Variants in HTR3B observed in about 807,000 individuals in gnomAD.
The protein encoded by HTR3B is 5-hydroxytryptamine receptor 3B.
In HTR3B, 44 loss-of-function variants were observed where a neutral mutation model predicts 42.8. That is an observed-to-expected ratio of 1.03 (90% CI 0.81 to 1.32). The LOEUF (loss-of-function observed/expected upper bound fraction) is 1.32, where lower values mean the gene tolerates loss of function less well. HTR3B is among the 40% of genes most tolerant of loss of function. The probability of loss-of-function intolerance (pLI) is 0.00; values close to 1 mark genes in which losing one functional copy is unlikely to be tolerated. For missense variants in HTR3B, 527 were observed against 536.5 expected (o/e 0.98, Z 0.17); for synonymous variants, 203 against 209.0 (o/e 0.97, Z 0.25).
chr11:113,932,635 C>T (rs1363919474), intron 5 of HTR3B, among the ~76,000 whole-genome samples, 177 bp downstream of exon 5: 2 of 105,456 alleles, frequency 1.9e-5, no homozygotes, highest in Middle Eastern at 4.3e-3. Flanking sequence ...GCTGTAGGCC[C>T]CCATAGTTGT....
Position 113,948,724 on chromosome 11 carries a change from G to A in HTR3B, c.*2587G>A, listed in dbSNP as rs746602165. 2.0e-5 allele frequency among the ~76,000 whole-genome samples: 3 copies of A among 152,144 alleles called. No homozygotes were observed. Among genetic ancestry groups the A allele is most frequent in the Non-Finnish European group, 4.4e-5 (3 of 68,020 alleles). On this transcript the variant is annotated 3_prime_UTR_variant, in exon 9 of 9. Transcript: ENST00000260191. The stretch of plus-strand genomic sequence containing the variant: ...ACTAAAAATACAAAATTAGCCAGGC[G>A]TGGTGGCACATGCCTGTAATCCCAC...
At chr11:113,909,252 G>C (rs747370309) in intron 1 of HTR3B, 43 bp from the exon 2 acceptor site, 1 of 1,528,962 alleles carries the variant, frequency 6.5e-7, no homozygotes, top group Non-Finnish European at 9.1e-7. Context: ...AAGAAACCAA[G>C]CTCCTCTTAC....
chr11:113,933,367 C>G (rs1412993342), intron 6 of HTR3B, among the ~76,000 whole-genome samples: 3 of 152,084 alleles, frequency 2.0e-5, no homozygotes, highest in Non-Finnish European at 4.4e-5. Context: ...AGGAATCCTC[C>G]AATCTTTCCA....
At chr11:113,935,051 C>T (rs1950078586) in intron 6 of HTR3B, among the ~76,000 whole-genome samples, 1 of 152,156 alleles carries the variant, frequency 6.6e-6, no homozygotes, top group Non-Finnish European at 1.5e-5. Flanking sequence ...TGCACACACA[C>T]ACACACACAC....
At chr11:113,928,021 C>T (rs746279246) in intron 2 of HTR3B, among the ~76,000 whole-genome samples, 14 of 152,248 alleles carry the variant, frequency 9.2e-5, no homozygotes, top group South Asian at 2.1e-4. Flanking sequence ...TTTTTCCTGA[C>T]GCTCTCCCTC....
intron 2 of HTR3B, among the ~76,000 whole-genome samples, chr11:113,914,420 C>T (rs919412164): frequency 8.6e-5 from 13 of 150,650 alleles, no homozygotes; most frequent in African/African-American, 2.2e-4. Context: ...GCCGAGATCA[C>T]GCCATTGCAC....
upstream of HTR3B, among the ~76,000 whole-genome samples, chr11:113,903,287 G>A (rs950663513): frequency 2.6e-5 from 4 of 152,130 alleles, no homozygotes; most frequent in African/African-American, 9.7e-5. Context: ...AGACTATACC[G>A]GAAGAGCTAT....
intron 2 of HTR3B, among the ~76,000 whole-genome samples, chr11:113,927,665 C>A (rs1234923854): frequency 1.3e-5 from 2 of 151,614 alleles, no homozygotes; most frequent in Non-Finnish European, 2.9e-5. Context: ...TGGGTTCAAG[C>A]GATTCTCCTA....
Position 113,931,798 on chromosome 11 carries a change from T to C in HTR3B, c.299T>C (p.Phe100Ser), listed in dbSNP as rs1950036982. 1.9e-6 allele frequency: 3 copies of C among 1,613,038 alleles called. No individual in the cohort carries two copies. The highest frequency in any genetic ancestry group is 1.3e-5 in the African/African-American group (1 of 75,032). Residue 100 changes from phenylalanine (F) to serine (S), a missense_variant, in exon 4 of 9, where the codon TTT (phenylalanine) becomes TCT (serine). Phe to Ser is a radical substitution (Grantham distance 155, BLOSUM62 -2). Coordinates refer to ENST00000260191, the MANE Select transcript of HTR3B (RefSeq NM_006028.5). ...DEFLSWNSSM[F>S]DEIREISLPL... is the part of the protein sequence containing the mutation. Reference sequence around the variant, plus strand: ...TTTTTATCCTGGAACTCCAGCATGTTTGATGAGATTAGAGAGATCTCCCTA... The same window carrying C: ...TTTTTATCCTGGAACTCCAGCATGTCTGATGAGATTAGAGAGATCTCCCTA...
chr11:113,919,584 T>A (rs531614473), intron 2 of HTR3B, among the ~76,000 whole-genome samples: 26 of 152,190 alleles, frequency 1.7e-4, no homozygotes, highest in African/African-American at 6.0e-4. Context: ...ATCCCAGCAC[T>A]TTGGGAGGCC....
intron 2 of HTR3B, among the ~76,000 whole-genome samples, chr11:113,930,874 A>G (rs921452673): frequency 1.3e-5 from 2 of 152,154 alleles, no homozygotes; most frequent in South Asian, 4.1e-4. Flanking sequence ...CGTCTATTAT[A>G]TCATTTAAAA....
intron 2 of HTR3B, among the ~76,000 whole-genome samples, chr11:113,923,917 C>G (rs911497580): frequency 6.6e-6 from 1 of 152,112 alleles, no homozygotes; most frequent in Non-Finnish European, 1.5e-5. Context: ...GAAAAAAATT[C>G]TTAACATCAT....
intron 6 of HTR3B, among the ~76,000 whole-genome samples, chr11:113,934,629 C>T (rs1177730525): frequency 6.6e-6 from 1 of 152,052 alleles, no homozygotes; most frequent in African/African-American, 2.4e-5. Context: ...CTAGTATAAT[C>T]GCAACTCATA....
intron 1 of HTR3B, among the ~76,000 whole-genome samples, chr11:113,907,321 C>G (rs925669573): frequency 6.6e-6 from 1 of 152,278 alleles, no homozygotes; most frequent in African/African-American, 2.4e-5. Context: ...TCATTTAGTG[C>G]TTGTGTGAAT....
chr11:113,934,751 C>T (rs1237422742), intron 6 of HTR3B, among the ~76,000 whole-genome samples: 1 of 93,762 alleles, frequency 1.1e-5, no homozygotes, highest in Non-Finnish European at 2.0e-5. Context: ...GGAAGGAAAG[C>T]AAGCAAGCTT....
chr11:113,909,965 C>A (rs140593040), intron 2 of HTR3B, among the ~76,000 whole-genome samples: 1,916 of 117,248 alleles, frequency 0.016, 26 homozygotes, highest in Middle Eastern at 0.035. Flanking sequence ...GCCTGGGTAG[C>A]AGATCCAGAC....
chr11:113,931,915 A>G, intron 4 of HTR3B, 48 bp downstream of exon 4: 1 of 1,045,012 alleles, frequency 9.6e-7, no homozygotes, highest in Non-Finnish European at 1.5e-6. Context: ...TGCTTGGTAT[A>G]GTCGGGCCAG....
At position 113,942,971 on chromosome 11, in the gene HTR3B, T is replaced by C; in HGVS notation, c.697-11T>C. 6.2e-7 allele frequency: 1 copy of C among 1,612,936 alleles called. No homozygotes were observed. ...GATCCTCTTTTCATCAGACCACTTGTTCCCGGCCAGGTGGTGATGCGCAGG... is the reference window on the plus strand; with the variant it reads ...GATCCTCTTTTCATCAGACCACTTGCTCCCGGCCAGGTGGTGATGCGCAGG... On this transcript the variant is annotated splice_polypyrimidine_tract_variant and intron_variant, in intron 6 of 8. Transcript: ENST00000260191.
At chr11:113,918,953 A>C (rs1354727640) in intron 2 of HTR3B, among the ~76,000 whole-genome samples, 1 of 152,096 alleles carries the variant, frequency 6.6e-6, no homozygotes, top group Non-Finnish European at 1.5e-5. Flanking sequence ...CACAGTGACC[A>C]GCCAATCTAT....
Sources: gnomAD v4.1 joint callset for allele counts (sites outside exome capture counted in the v4.1 genomes callset) on GRCh38, gnomAD v4.1.1 for gene constraint, MANE v1.5 for transcripts, NCBI Gene and HGNC (gene_info 2026-07-23, HGNC 2026-07-21) for gene names.